Variants in ANKRD26 observed in about 807,000 individuals in gnomAD.
ANKRD26 encodes ankyrin repeat domain-containing protein 26.
A neutral mutation model predicts 208.7 loss-of-function variants in ANKRD26; 141 were observed. The ratio of observed to expected loss-of-function variants is 0.68; its 90% CI spans 0.59 to 0.78. ANKRD26 has a LOEUF of 0.78. Ranked by LOEUF, ANKRD26 falls within the 30% of genes least tolerant of loss-of-function variation. The pLI is 0.00. For synonymous variants in ANKRD26, 636 were observed against 660.4 expected (o/e 0.96, Z 0.57); for missense variants, 1,889 against 1,938.7 (o/e 0.97, Z 0.48).
chr10:27,063,582 A>C (rs987105152), intron 12 of ANKRD26, among the ~76,000 whole-genome samples: 6 of 152,162 alleles, frequency 3.9e-5, no homozygotes, highest in African/African-American at 1.2e-4. Flanking sequence ...CGGCCTCCCA[A>C]AGTGTTGGGA....
intron 27 of ANKRD26, among the ~76,000 whole-genome samples, chr10:27,026,656 G>A (rs947500350): frequency 2.6e-5 from 4 of 152,170 alleles, no homozygotes; most frequent in African/African-American, 9.6e-5. Context: ...ACAGGAAAGT[G>A]TGAATGACCA....
rs763860449 is a variant in ANKRD26, at chr10:27,062,340, A to G, written c.1364-1098T>C. The G allele has an allele frequency of 2.4e-4, 131 of 541,216 alleles. 1 individual carries two copies. Among genetic ancestry groups the G allele is most frequent in the Non-Finnish European group, 2.9e-4 (123 of 424,726 alleles). 33.5% of individuals were successfully genotyped at this position (541,216 alleles called of 1,614,324 possible). On this transcript the variant is annotated intron_variant, in intron 12 of 33. Transcript: ENST00000376087. ...CTGTTATGCCTTGAATTATTGTCCA[A>G]TGACGCTTCTTTCAGATTTCTCAAA... is the stretch of plus-strand genomic sequence containing the variant.
At chr10:26,992,366 C>G (rs867494504) in intron 5 of ANKRD26, among the ~76,000 whole-genome samples, 3 of 151,564 alleles carry the variant, frequency 2.0e-5, no homozygotes, top group African/African-American at 7.3e-5. Flanking sequence ...CCCTTGTCGC[C>G]AGGATGTTCA....
chr10:27,010,945 C>T (rs886611731), intron 32 of ANKRD26, among the ~76,000 whole-genome samples: 1 of 152,026 alleles, frequency 6.6e-6, no homozygotes, highest in African/African-American at 2.4e-5. Context: ...AAAAAATTAG[C>T]TGGATAGATC....
chr10:27,031,051 A>G (rs2053849018), intron 25 of ANKRD26, among the ~76,000 whole-genome samples: 1 of 152,228 alleles, frequency 6.6e-6, no homozygotes, highest in African/African-American at 2.4e-5. Flanking sequence ...AATGAGATCC[A>G]GAACAGTCAG....
intron 27 of ANKRD26, among the ~76,000 whole-genome samples, chr10:27,027,634 C>G (rs1001998696): frequency 6.6e-6 from 1 of 152,110 alleles, no homozygotes; most frequent in Non-Finnish European, 1.5e-5. Flanking sequence ...CAGTCAACTT[C>G]TATAAAGTCA....
chr10:26,981,498 C>A (rs924806189), intron 4 of ANKRD26, among the ~76,000 whole-genome samples: 2 of 152,048 alleles, frequency 1.3e-5, no homozygotes, highest in African/African-American at 4.8e-5. Flanking sequence ...GGCTGTGTGT[C>A]CTGGACCACG....
intron 1 of ANKRD26, among the ~76,000 whole-genome samples, chr10:27,095,332 A>G (rs931582700): frequency 6.6e-6 from 1 of 151,532 alleles, no homozygotes; most frequent in Non-Finnish European, 1.5e-5. Flanking sequence ...AGGGTAATTA[A>G]AGGTTATTTC....
At chr10:27,095,563 G>C (rs1311935717) in intron 1 of ANKRD26, among the ~76,000 whole-genome samples, 4 of 152,182 alleles carry the variant, frequency 2.6e-5, no homozygotes, top group Admixed American at 2.6e-4. Flanking sequence ...AGCTACTCGA[G>C]GGGGCTGAGG....
the ANKRD26 span, among the ~76,000 whole-genome samples, chr10:26,948,003 G>A: frequency 6.6e-6 from 1 of 152,024 alleles, no homozygotes; most frequent in Non-Finnish European, 1.5e-5. Flanking sequence ...GTATAGTGTC[G>A]TGATCTCGGC....
Position 27,043,043 on chromosome 10 carries a change from T to G in ANKRD26, c.2161+383A>C, listed in dbSNP as rs138782997. Among the ~76,000 whole-genome samples the G allele has an allele frequency of 1.6e-3, 235 of 151,088 alleles. 2 individuals carry two copies. Among genetic ancestry groups the G allele is most frequent in the Middle Eastern group, 3.5e-3 (1 of 286 alleles). ...TGTGACCCTGTGTTATGCAAAGACT[T>G]CTTAAATGCGATACAAAAAGCAAAA... On this transcript the variant is annotated intron_variant, in intron 20 of 33. Coordinates refer to ENST00000376087, the MANE Select transcript of ANKRD26 (RefSeq NM_014915.3).
In ANKRD26 at chr10:27,035,381, A is replaced by C; in HGVS notation, c.3069T>G (p.Ser1023Arg). 1 of 1,613,940 alleles carries C rather than the reference A, an allele frequency of 6.2e-7. No individual in the cohort carries two copies. Among genetic ancestry groups the C allele is most frequent in the Non-Finnish European group, 8.5e-7 (1 of 1,179,924 alleles). Residue 1023 changes from serine to arginine, a missense_variant, in exon 24 of 34, where the codon AGT becomes AGG. Physicochemically the swap from Ser to Arg is moderately radical, Grantham distance 110 (BLOSUM62 -1). Around this residue, in one of 3 missense-constraint regions of ANKRD26, gnomAD observed 1,272 missense variants for 1,273.8 expected, o/e 1.00. Transcript: ENST00000376087. Reference sequence around the variant, plus strand: ...GTTCTAGTTCTCTTTTTGATGTCTCACTTTGATCACGATCATGTATAGCAG... The same window carrying C: ...GTTCTAGTTCTCTTTTTGATGTCTCCCTTTGATCACGATCATGTATAGCAG... ...LAAAIHDRDQ[S>R]ETSKRELELA...
chr10:27,070,669 A>ATT (rs58198134), intron 9 of ANKRD26, among the ~76,000 whole-genome samples: 2 of 145,508 alleles, frequency 1.4e-5, no homozygotes, highest in Non-Finnish European at 3.0e-5. Context: ...TCTTCTAGAG[A>ATT]TTTTTTTTTT....
intron 25 of ANKRD26, 38 bp from the exon 26 acceptor site, chr10:27,029,394 A>T (rs746324565): frequency 6.3e-7 from 1 of 1,577,074 alleles, no homozygotes; most frequent in Non-Finnish European, 8.7e-7. Context: ...TTTACTAATA[A>T]TCTAGTACAC....
At position 27,033,005 on chromosome 10, in the gene ANKRD26, G is replaced by T. The variant is rs371744112; in HGVS notation, c.3807+220C>A. On this transcript the variant is annotated intron_variant, in intron 25 of 33. Coordinates refer to ENST00000376087, the MANE Select transcript of ANKRD26 (RefSeq NM_014915.3). The stretch of plus-strand genomic sequence containing the variant: ...CAGGAGAATGGAGTGAGCCCGGGAG[G>T]TGGGGCTTGCATTGAGCCGAGATCG... Among the ~76,000 whole-genome samples the T allele has an allele frequency of 4.0e-5, 6 of 149,762 alleles. No individual in the cohort carries two copies. In the East Asian group the frequency reaches 1.2e-3, roughly 30 times the overall value.
chr10:27,013,037 T>TGAACAAA lies in ANKRD26; in HGVS notation c.4797_4798insTTTGTTC (p.Thr1600PhefsTer19), dbSNP rs750560722. 1 of 1,614,026 alleles carries TGAACAAA rather than the reference T, an allele frequency of 6.2e-7. No individual in the cohort carries two copies. Among genetic ancestry groups the TGAACAAA allele is most frequent in the Non-Finnish European group, 8.5e-7 (1 of 1,179,962 alleles). On this transcript the variant is annotated frameshift_variant, in exon 32 of 34. Coordinates refer to ENST00000376087, the MANE Select transcript of ANKRD26 (RefSeq NM_014915.3). LOFTEE classifies it high-confidence loss of function. ...TCCATGACTGGCCTGGTAGTGAGAG[T>TGAACAAA]GGTGAACAAAGATCTGCTCTGCTGT...
downstream of ANKRD26, among the ~76,000 whole-genome samples, chr10:27,002,352 C>A (rs11015447): frequency 0.024 from 3,582 of 152,244 alleles, 170 homozygotes; most frequent in East Asian, 0.16. Context: ...AGAAAGAATT[C>A]CCAACTGGGG....
chr10:27,078,020 A>G (rs2055762344), intron 7 of ANKRD26, among the ~76,000 whole-genome samples: 1 of 152,218 alleles, frequency 6.6e-6, no homozygotes, highest in Non-Finnish European at 1.5e-5. Flanking sequence ...AGAGTATTAT[A>G]AAAGTCAAAC....
Position 27,043,409 on chromosome 10 carries a change from T to G in ANKRD26, c.2161+17A>C. Reference sequence around the variant, plus strand: ...TGGGATACATAAAAAGGCCTTAAATTTATGCAATGGTCCTACCTTTACACT... The same window carrying G: ...TGGGATACATAAAAAGGCCTTAAATGTATGCAATGGTCCTACCTTTACACT... On this transcript the variant is annotated intron_variant, in intron 20 of 33. Coordinates refer to ENST00000376087, the MANE Select transcript of ANKRD26 (RefSeq NM_014915.3). 1 of 1,613,192 alleles carries G rather than the reference T, an allele frequency of 6.2e-7. No individual in the cohort carries two copies. Among genetic ancestry groups the G allele is most frequent in the Non-Finnish European group, 8.5e-7 (1 of 1,179,296 alleles).
Sources: gnomAD v4.1 joint callset for allele counts (sites outside exome capture counted in the v4.1 genomes callset) on GRCh38, gnomAD v4.1.1 for gene constraint, gnomAD v4.1.1 regional missense constraint, MANE v1.5 for transcripts, NCBI Gene and HGNC (gene_info 2026-07-23, HGNC 2026-07-21) for gene names.